The following AWAT2 variants were observed in gnomAD, a reference collection of about 807,000 sequenced individuals.
AWAT2 encodes 11-cis-RE-synthase.
Under a neutral mutation model 22.3 loss-of-function variants are expected in AWAT2, and 9 were observed. The ratio of observed to expected loss-of-function variants is 0.40; its 90% CI spans 0.24 to 0.70. The LOEUF (loss-of-function observed/expected upper bound fraction) is 0.70, where lower values mean the gene tolerates loss of function less well. AWAT2 is among the 30% of genes least tolerant of loss of function. AWAT2 has a pLI of 0.36. For missense variants in AWAT2, 217 were observed against 265.9 expected (o/e 0.82, Z 1.28); for synonymous variants, 100 against 93.4 (o/e 1.07, Z -0.40).
intron 1 of AWAT2, among the ~76,000 whole-genome samples, chrX:70,048,233 C>T (rs1040539276): frequency 2.7e-5 from 3 of 111,113 alleles, no homozygotes; most frequent in Non-Finnish European, 3.8e-5. Context: ...GATGCCATCA[C>T]CCTGTGTCAG....
At chrX:70,042,961 A>G (rs2020338700) in intron 5 of AWAT2, 108 bp downstream of exon 5, 3 of 699,576 alleles carry the variant, frequency 4.3e-6, no homozygotes, top group Non-Finnish European at 2.0e-6. Context: ...AATGTATTGT[A>G]TACTTCCTCC....
Position 70,042,236 on chromosome X carries a change from G to A in AWAT2, c.798C>T (p.Thr266=). ...YPCAFYGRGF[T]KNSWGLLPYS... ...AGGGCAGAAGGCCCCAGGAGTTCTTGGTGAAGCCACGTCCATAGAAAGCAC... is the reference window on the plus strand; with the variant it reads ...AGGGCAGAAGGCCCCAGGAGTTCTTAGTGAAGCCACGTCCATAGAAAGCAC... The change falls in exon 6 of 8, where the codon ACC becomes ACT. Residue 266 remains threonine, a synonymous_variant. Coordinates refer to ENST00000276101, the MANE Select transcript of AWAT2 (RefSeq NM_001002254.1). 15 of 1,211,367 alleles carry A rather than the reference G, an allele frequency of 1.2e-5. No homozygotes were observed. Among genetic ancestry groups the A allele is most frequent in the Non-Finnish European group, 1.7e-5 (15 of 895,302 alleles).
chrX:70,043,516 A>G lies in AWAT2; in HGVS notation c.434T>C (p.Phe145Ser). 8.3e-7 allele frequency: 1 copy of G among 1,210,378 alleles called. No individual in the cohort carries two copies. Among genetic ancestry groups the G allele is most frequent in the Non-Finnish European group, 1.1e-6 (1 of 894,168 alleles). ...TPYILTLGAF[F>S]WMPFLREYVM... ...ATATTCTCTGAGGAAAGGCATCCAG[A>G]AAAAGGCTCCCAGTGTGAGTATGTA... Residue 145 changes from phenylalanine to serine, a missense_variant, in exon 4 of 8, where the codon TTC becomes TCC. Coordinates refer to ENST00000276101, the MANE Select transcript of AWAT2 (RefSeq NM_001002254.1).
intron 3 of AWAT2, 118 bp downstream of exon 3, chrX:70,043,808 G>T: frequency 1.0e-6 from 1 of 987,116 alleles, no homozygotes; most frequent in Non-Finnish European, 1.4e-6. Context: ...CAACTCCAGG[G>T]GGCGTCATTC....
intron 1 of AWAT2, 35 bp downstream of exon 1, chrX:70,049,813 A>G: frequency 8.3e-7 from 1 of 1,203,719 alleles, no homozygotes; most frequent in Non-Finnish European, 1.1e-6. Flanking sequence ...GCAAGCCAGG[A>G]TGGTTGGTCA....
At chrX:70,043,765 T>C in intron 3 of AWAT2, 83 bp from the exon 4 acceptor site, 2 of 1,029,367 alleles carry the variant, frequency 1.9e-6, no homozygotes, top group Non-Finnish European at 2.6e-6. Flanking sequence ...GGAAAAGGAC[T>C]GCTAGGTCTA....
chrX:70,042,445 A>G (rs1186868989), intron 5 of AWAT2, 59 bp from the exon 6 acceptor site: 17 of 1,084,418 alleles, frequency 1.6e-5, no homozygotes, highest in Non-Finnish European at 2.2e-5. Context: ...GTCGAATGCC[A>G]GACACGCTGA....
intron 1 of AWAT2, among the ~76,000 whole-genome samples, chrX:70,048,579 A>G (rs750894340): frequency 2.7e-4 from 30 of 112,207 alleles, no homozygotes; most frequent in Middle Eastern, 4.6e-3. Flanking sequence ...TTCAAGAGAA[A>G]AATGGGCAGA....
intron 1 of AWAT2, among the ~76,000 whole-genome samples, chrX:70,044,774 G>A (rs2020352200): frequency 8.9e-6 from 1 of 112,579 alleles, no homozygotes; most frequent in Non-Finnish European, 1.9e-5. Context: ...CCTGCAGTGT[G>A]GTCAATGGCA....
intron 1 of AWAT2, among the ~76,000 whole-genome samples, chrX:70,046,408 T>G (rs1602631511): frequency 6.0e-4 from 2 of 3,352 alleles, no homozygotes; most frequent in Admixed American, 0.013. Context: ...CTGTACTCAA[T>G]TTTTTTTTTT....
intron 7 of AWAT2, 28 bp downstream of exon 7, chrX:70,041,745 C>T (rs1411649278): frequency 7.9e-6 from 9 of 1,146,449 alleles, no homozygotes. Context: ...GACTTTTGTC[C>T]TCCTGTTCTC....
chrX:70,047,734 G>A lies in AWAT2; in HGVS notation c.85+2114C>T, dbSNP rs771671012. The stretch of plus-strand genomic sequence containing the variant: ...AGTGAAGAGCTGAGAGGCCTCCGAA[G>A]GGCCATTGCCCCACTTGCCCTATGT... On this transcript the variant is annotated intron_variant, in intron 1 of 7. Coordinates refer to ENST00000276101, the MANE Select transcript of AWAT2 (RefSeq NM_001002254.1). 1.5e-4 allele frequency among the ~76,000 whole-genome samples: 17 copies of A among 112,109 alleles called. No individual in the cohort carries two copies. The East Asian group carries it at 1.7e-3, about 11-fold the overall frequency.
intron 1 of AWAT2, among the ~76,000 whole-genome samples, chrX:70,048,517 G>C (rs1302731886): frequency 1.8e-5 from 2 of 111,918 alleles, no homozygotes; most frequent in Admixed American, 1.9e-4. Context: ...TGCCCCAAAT[G>C]CTCTTCCTTT....
chrX:70,046,867 G>A (rs1056729332), intron 1 of AWAT2, among the ~76,000 whole-genome samples: 2 of 111,396 alleles, frequency 1.8e-5, no homozygotes, highest in Non-Finnish European at 3.8e-5. Context: ...TTGTCAAATT[G>A]CAATGATGAT....
chrX:70,047,515 A>G (rs759930820), intron 1 of AWAT2, among the ~76,000 whole-genome samples: 18 of 112,197 alleles, frequency 1.6e-4, no homozygotes, highest in African/African-American at 5.5e-4. Flanking sequence ...GCGTGGCCTC[A>G]GGTGGGGTGC....
chrX:70,044,550 C>T (rs1377318362), intron 1 of AWAT2, 88 bp from the exon 2 acceptor site: 14 of 1,128,477 alleles, frequency 1.2e-5, no homozygotes, highest in Admixed American at 2.7e-5. Flanking sequence ...CCCAAGGTCA[C>T]GTGCACTCTC....
rs1290928085 is a variant in AWAT2, at chrX:70,040,590, G to T, written c.*1068C>A. The T allele has an allele frequency of 4.4e-5, 5 of 112,441 alleles. No homozygotes were observed. The allele number at this position is 112,441 out of a possible 1,213,427, so 9.3% of individuals were successfully genotyped here. Reference sequence around the variant, plus strand: ...AAGCTCAGGGAAAACGTAATCTCTGGCACAAGAAGTAACAAAGACAGCAGA... The same window carrying T: ...AAGCTCAGGGAAAACGTAATCTCTGTCACAAGAAGTAACAAAGACAGCAGA... On this transcript the variant is annotated 3_prime_UTR_variant, in exon 8 of 8. Transcript: ENST00000276101.
intron 3 of AWAT2, 58 bp downstream of exon 3, chrX:70,043,868 T>A (rs2020346502): frequency 8.8e-7 from 1 of 1,133,978 alleles, no homozygotes. Context: ...CTGACCCAAC[T>A]GCTAGCACTG....
At chrX:70,045,713 C>A (rs1207782455) in intron 1 of AWAT2, among the ~76,000 whole-genome samples, 2 of 111,863 alleles carry the variant, frequency 1.8e-5, no homozygotes, top group African/African-American at 6.5e-5. Flanking sequence ...AAGGTAATTT[C>A]AGATGCACAC....
Sources: allele counts gnomAD v4.1 joint callset (sites outside exome capture counted in the v4.1 genomes callset), GRCh38; gene constraint gnomAD v4.1.1; transcripts MANE v1.5; gene names NCBI Gene and HGNC (gene_info 2026-07-23, HGNC 2026-07-21).